UGT1A8: variants seen among roughly 807,000 people sequenced by gnomAD.
The protein encoded by UGT1A8 is UDP-glucuronosyltransferase 1A8.
UGT1A8 carries 39 observed loss-of-function variants against 45.3 expected under a neutral mutation model. The ratio of observed to expected loss-of-function variants is 0.86; its 90% CI spans 0.67 to 1.12. The LOEUF (loss-of-function observed/expected upper bound fraction) is 1.12, where lower values mean the gene tolerates loss of function less well. Among genes scored for constraint, UGT1A8 ranks in the 50% most tolerant of loss-of-function variants. The pLI, the probability that UGT1A8 is intolerant of heterozygous loss-of-function variation, is 0.00. For synonymous variants in UGT1A8, 275 were observed against 249.2 expected, an observed-to-expected ratio of 1.10 and a Z score of -0.97; for missense variants, 719 against 664.9, an observed-to-expected ratio of 1.08 and a Z score of -0.90.
At chr2:233,676,915 A>G (rs1424239135) in intron 1 of UGT1A8, among the ~76,000 whole-genome samples, 2 of 152,118 alleles carry the variant, frequency 1.3e-5, no homozygotes, top group East Asian at 1.9e-4. Flanking sequence ...TAGACTTTGT[A>G]TTCTGTTCTG....
intron 1 of UGT1A8, chr2:233,671,704 A>G: frequency 3.3e-6 from 3 of 920,382 alleles, no homozygotes; most frequent in Non-Finnish European, 4.4e-6. Context: ...CCCCCAAGGC[A>G]AAGACCATAA....
chr2:233,629,190 A>G (rs971387565), intron 1 of UGT1A8, among the ~76,000 whole-genome samples: 6 of 152,160 alleles, frequency 3.9e-5, no homozygotes, highest in Non-Finnish European at 7.4e-5. Flanking sequence ...TATTTTAGAT[A>G]CTTCATATAA....
chr2:233,687,234 A>G (rs959711464), intron 1 of UGT1A8, among the ~76,000 whole-genome samples: 1 of 152,052 alleles, frequency 6.6e-6, no homozygotes, highest in Non-Finnish European at 1.5e-5. Context: ...ATTATCTCCA[A>G]CCTCCACAAG....
At chr2:233,699,643 C>A (rs953035668) in intron 1 of UGT1A8, among the ~76,000 whole-genome samples, 1 of 152,182 alleles carries the variant, frequency 6.6e-6, no homozygotes, top group African/African-American at 2.4e-5. Context: ...TAGAGCCTAG[C>A]TAGGCCTGAA....
rs1240637968 is a variant in UGT1A8 at position 233,729,257 on chromosome 2, T to A, written c.856-37777T>A. 6.2e-7 allele frequency: 1 copy of A among 1,613,994 alleles called. No homozygotes were observed. Among genetic ancestry groups the A allele is most frequent in the Non-Finnish European group, 8.5e-7 (1 of 1,179,936 alleles). On this transcript the variant is annotated intron_variant, in intron 1 of 4. Transcript: ENST00000373450. ...ATTGATGGCAGCCACTGGCTCAGCA[T>A]GCGGGAGGTCTTGCGGGAGCTCCAT...
intron 1 of UGT1A8, chr2:233,744,049 A>C: frequency 1.3e-4 from 90 of 678,678 alleles, no homozygotes; most frequent in Non-Finnish European, 1.7e-4. Flanking sequence ...GCCACATCTC[A>C]TTGGTCGAGG....
At chr2:233,726,721 T>C (rs17864697) in intron 1 of UGT1A8, among the ~76,000 whole-genome samples, 20,956 of 152,216 alleles carry the variant, frequency 0.14, 1,603 homozygotes, top group East Asian at 0.2. Context: ...GGAAGTACAA[T>C]GTAGATACTT....
chr2:233,656,793 G>A (rs1380587604), intron 1 of UGT1A8, among the ~76,000 whole-genome samples: 2 of 152,134 alleles, frequency 1.3e-5, no homozygotes, highest in Non-Finnish European at 2.9e-5. Context: ...AGGAGGGTTC[G>A]ATTCACTTGT....
intron 1 of UGT1A8, among the ~76,000 whole-genome samples, chr2:233,707,245 T>C (rs1430790978): frequency 6.6e-6 from 1 of 152,158 alleles, no homozygotes. Flanking sequence ...ATTTCTCTTG[T>C]GTTTTTCTTC....
In UGT1A8 at chr2:233,623,767, AT is replaced by A. The variant is rs370282584; in HGVS notation, c.855+5209del. 1.8e-4 allele frequency among the ~76,000 whole-genome samples: 27 copies of A among 152,260 alleles called. No homozygotes were observed. The East Asian group carries it at 5.0e-3, about 28-fold the overall frequency. Reference sequence around the variant, plus strand: ...TCTTGGCCAATTGACAAGATGTCAAATTTTGATAAGGGTGTCAAGATCATTC... The same window carrying A: ...TCTTGGCCAATTGACAAGATGTCAAATTTGATAAGGGTGTCAAGATCATTC... On this transcript the variant is annotated intron_variant, in intron 1 of 4. Transcript: ENST00000373450.
intron 1 of UGT1A8, chr2:233,718,705 T>C: frequency 1.9e-6 from 3 of 1,603,136 alleles, no homozygotes; most frequent in Non-Finnish European, 2.6e-6. Flanking sequence ...CACTTTGTCT[T>C]CCAATTACAT....
chr2:233,730,715 T>G (rs1367168095), intron 1 of UGT1A8, among the ~76,000 whole-genome samples: 4 of 152,064 alleles, frequency 2.6e-5, no homozygotes, highest in Non-Finnish European at 4.4e-5. Flanking sequence ...AATGCTGAAA[T>G]TATCAAGAAA....
intron 1 of UGT1A8, chr2:233,753,260 C>T (rs917926378): frequency 2.6e-5 from 4 of 152,220 alleles, no homozygotes; most frequent in African/African-American, 9.6e-5. Context: ...ACTACCCAGG[C>T]ACCTTGGAGC....
intron 1 of UGT1A8, chr2:233,756,309 C>A (rs1335647268): frequency 7.9e-5 from 12 of 152,226 alleles, no homozygotes; most frequent in Non-Finnish European, 1.6e-4. Context: ...ATAACCTACC[C>A]ATATCCTCCT....
At chr2:233,707,758 G>A (rs2075985485) in intron 1 of UGT1A8, among the ~76,000 whole-genome samples, 1 of 152,172 alleles carries the variant, frequency 6.6e-6, no homozygotes, top group African/African-American at 2.4e-5. Flanking sequence ...TGAAACACAT[G>A]TGAGTGGGTT....
chr2:233,744,294 C>T (rs1692766749), intron 1 of UGT1A8, among the ~76,000 whole-genome samples: 1 of 151,800 alleles, frequency 6.6e-6, no homozygotes, highest in Admixed American at 6.5e-5. Context: ...TCTTTTTCCT[C>T]GGCCACAGGA....
chr2:233,741,506 T>G (rs1461228170), intron 1 of UGT1A8: 1 of 151,928 alleles, frequency 6.6e-6, no homozygotes, highest in Non-Finnish European at 1.5e-5. Flanking sequence ...TGAACTCATT[T>G]TTCAAAAGCC....
chr2:233,696,415 T>C (rs2075342407), intron 1 of UGT1A8, among the ~76,000 whole-genome samples: 1 of 152,248 alleles, frequency 6.6e-6, no homozygotes, highest in Admixed American at 6.5e-5. Context: ...GTTGATTTCC[T>C]TTTCAGTTTT....
chr2:233,635,196 C>T (rs531883885), intron 1 of UGT1A8, among the ~76,000 whole-genome samples: 22 of 150,664 alleles, frequency 1.5e-4, no homozygotes, highest in African/African-American at 4.7e-4. Flanking sequence ...AACTTCTTTT[C>T]GTGTGTAACA....
Sources: gnomAD v4.1 joint callset for allele counts (sites outside exome capture counted in the v4.1 genomes callset) on GRCh38, gnomAD v4.1.1 for gene constraint, MANE v1.5 for transcripts, NCBI Gene and HGNC (gene_info 2026-07-23, HGNC 2026-07-21) for gene names.